Variants in CORO2B observed in about 807,000 individuals in gnomAD.
CORO2B encodes coronin 2B.
In CORO2B, 26 loss-of-function variants were observed where a neutral mutation model predicts 58.8. The observed-to-expected ratio is 0.44, with a 90% CI of 0.32 to 0.61. The LOEUF (loss-of-function observed/expected upper bound fraction) is 0.61. Among genes scored for constraint, CORO2B ranks in the 20% least tolerant of loss-of-function variants. The pLI, the probability that CORO2B is intolerant of heterozygous loss-of-function variation, is 0.04. For missense variants in CORO2B, 460 were observed against 645.1 expected (o/e 0.71, Z 3.11); for synonymous variants, 242 against 253.8 (o/e 0.95, Z 0.44).
chr15:68,695,220 C>G lies in CORO2B; in HGVS notation c.297C>G (p.Ile99Met). 1.2e-6 allele frequency: 2 copies of G among 1,614,112 alleles called. No homozygotes were observed. Among genetic ancestry groups the G allele is most frequent in the Non-Finnish European group, 1.7e-6 (2 of 1,180,016 alleles). ...NVLDIKWNPF[I>M]DNIIASCSED... ...TGGATATCAAATGGAACCCCTTCATCGACAACATCATTGCCTCGTGCTCGG... is the reference window on the plus strand; with the variant it reads ...TGGATATCAAATGGAACCCCTTCATGGACAACATCATTGCCTCGTGCTCGG... The change falls in exon 3 of 12, where the codon ATC (isoleucine) becomes ATG (methionine). Residue 99 changes from isoleucine (I) to methionine (M), a missense_variant. Physicochemically the swap from Ile to Met is conservative, Grantham distance 10 (BLOSUM62 1). Transcript: ENST00000261861.
intron 2 of CORO2B, among the ~76,000 whole-genome samples, chr15:68,667,263 C>G (rs1256141908): frequency 6.6e-6 from 1 of 152,202 alleles, no homozygotes; most frequent in Non-Finnish European, 1.5e-5. Flanking sequence ...CTTCATGCTC[C>G]TCTCTGCACA....
the CORO2B span, among the ~76,000 whole-genome samples, chr15:68,552,526 C>T: frequency 2.0e-5 from 3 of 152,070 alleles, no homozygotes; most frequent in South Asian, 2.1e-4. Context: ...TCTGTTGCCT[C>T]GGTGACAACC....
At chr15:68,621,584 C>G (rs963731101) in intron 1 of CORO2B, among the ~76,000 whole-genome samples, 7 of 152,112 alleles carry the variant, frequency 4.6e-5, no homozygotes, top group Non-Finnish European at 1.0e-4. Flanking sequence ...ATAACTCTGC[C>G]TTTCCAGATG....
At chr15:68,526,018 A>G in the CORO2B span, among the ~76,000 whole-genome samples, 7 of 152,308 alleles carry the variant, frequency 4.6e-5, no homozygotes, top group South Asian at 1.2e-3. Flanking sequence ...GAATGAAGTC[A>G]TAAGTATGTA....
chr15:68,558,053 G>A, the CORO2B span, among the ~76,000 whole-genome samples: 1 of 152,162 alleles, frequency 6.6e-6, no homozygotes, highest in Non-Finnish European at 1.5e-5. Flanking sequence ...CCAATGGCAG[G>A]CAGGGCAGCC....
chr15:68,623,156 C>T (rs1900573410), intron 1 of CORO2B, among the ~76,000 whole-genome samples: 2 of 152,224 alleles, frequency 1.3e-5, no homozygotes, highest in East Asian at 1.9e-4. Context: ...CAAAGTGAGA[C>T]TCTGTCTCAA....
the CORO2B span, among the ~76,000 whole-genome samples, chr15:68,552,917 G>A: frequency 6.6e-6 from 1 of 152,236 alleles, no homozygotes; most frequent in African/African-American, 2.4e-5. Flanking sequence ...CCTCAGAGCT[G>A]CGCTTCCTGC....
At chr15:68,632,393 G>T in intron 1 of CORO2B, 1 of 985,428 alleles carries the variant, frequency 1.0e-6, no homozygotes, top group Non-Finnish European at 1.2e-6. Context: ...AGTTGTGATG[G>T]AGTCAGCCAG....
At chr15:68,570,796 G>T in the CORO2B span, among the ~76,000 whole-genome samples, 2 of 109,682 alleles carry the variant, frequency 1.8e-5, no homozygotes, top group East Asian at 6.3e-4. Context: ...CCCACTACAC[G>T]TAGTTTTTTT....
At chr15:68,659,928 A>T (rs1234369890) in intron 2 of CORO2B, among the ~76,000 whole-genome samples, 1 of 152,110 alleles carries the variant, frequency 6.6e-6, no homozygotes, top group African/African-American at 2.4e-5. Flanking sequence ...AAACAAAAAA[A>T]GTCTATCCTC....
chr15:68,718,720 G>A lies in CORO2B; in HGVS notation c.990G>A (p.Leu330=). The change falls in exon 9 of 12, where the codon CTG becomes CTA. Residue 330 remains leucine (L), a synonymous_variant. Coordinates refer to ENST00000261861, the MANE Select transcript of CORO2B (RefSeq NM_006091.5). ...KGLGVMPKHG[L]DVSACEVFRF... ...CAGGGGTCATGCCCAAGCACGGGCTGGATGTGTCAGCCTGCGAGGTGTTCC... is the reference window on the plus strand; with the variant it reads ...CAGGGGTCATGCCCAAGCACGGGCTAGATGTGTCAGCCTGCGAGGTGTTCC... 6.2e-7 allele frequency: 1 copy of A among 1,614,152 alleles called. No homozygotes were observed. Among genetic ancestry groups the A allele is most frequent in the Non-Finnish European group, 8.5e-7 (1 of 1,180,016 alleles).
At chr15:68,614,365 A>C (rs1172656365) in intron 1 of CORO2B, among the ~76,000 whole-genome samples, 1 of 152,202 alleles carries the variant, frequency 6.6e-6, no homozygotes, top group Non-Finnish European at 1.5e-5. Flanking sequence ...TTCTTTTACG[A>C]AGTACCTGGG....
At chr15:68,630,954 A>G (rs1403838932) in intron 1 of CORO2B, among the ~76,000 whole-genome samples, 1 of 152,184 alleles carries the variant, frequency 6.6e-6, no homozygotes, top group Admixed American at 6.5e-5. Flanking sequence ...TGAGACAAAA[A>G]TCCTTCTCAG....
At chr15:68,566,399 C>T in the CORO2B span, among the ~76,000 whole-genome samples, 2 of 152,156 alleles carry the variant, frequency 1.3e-5, no homozygotes, top group Non-Finnish European at 2.9e-5. Flanking sequence ...AAAGCCTTAT[C>T]TTCCCGATCA....
At chr15:68,657,961 G>T (rs1448103242) in intron 2 of CORO2B, among the ~76,000 whole-genome samples, 1 of 152,238 alleles carries the variant, frequency 6.6e-6, no homozygotes, top group Non-Finnish European at 1.5e-5. Flanking sequence ...GTGGCTGAAA[G>T]TTGGTGGGGA....
rs565347496 is a variant in CORO2B, at chr15:68,653,309, C to T, written c.216+7949C>T. Among the ~76,000 whole-genome samples, 15 of 152,300 alleles carry T rather than the reference C, an allele frequency of 9.8e-5. 1 individual carries two copies. In the South Asian group the frequency reaches 2.9e-3, roughly 29 times the overall value. On this transcript the variant is annotated intron_variant, in intron 2 of 11. Transcript: ENST00000261861. Reference sequence around the variant, plus strand: ...AGTAAACAAGACCAAGTCTTGACCACCTAGAGTTTGTAGTCCAATTGGCTA... The same window carrying T: ...AGTAAACAAGACCAAGTCTTGACCATCTAGAGTTTGTAGTCCAATTGGCTA...
intron 1 of CORO2B, among the ~76,000 whole-genome samples, chr15:68,638,923 C>T (rs895165633): frequency 1.3e-5 from 2 of 152,208 alleles, no homozygotes; most frequent in African/African-American, 4.8e-5. Flanking sequence ...GTGCTGTCAA[C>T]AGCAAGGGAC....
chr15:68,541,731 G>A, the CORO2B span, among the ~76,000 whole-genome samples: 3 of 152,216 alleles, frequency 2.0e-5, no homozygotes, highest in African/African-American at 7.2e-5. Flanking sequence ...TTCTGGTGCT[G>A]TTCCTTCTAA....
chr15:68,623,854 C>G (rs1307581321), intron 1 of CORO2B, among the ~76,000 whole-genome samples: 1 of 152,148 alleles, frequency 6.6e-6, no homozygotes, highest in African/African-American at 2.4e-5. Context: ...TTGTCGACAC[C>G]ACGGATTACA....
Sources: allele counts gnomAD v4.1 joint callset (sites outside exome capture counted in the v4.1 genomes callset), GRCh38; gene constraint gnomAD v4.1.1; transcripts MANE v1.5; gene names NCBI Gene and HGNC (gene_info 2026-07-23, HGNC 2026-07-21).